ARHGEF37: variants seen among roughly 807,000 people sequenced by gnomAD.
ARHGEF37 encodes Rho guanine nucleotide exchange factor 37.
ARHGEF37 carries 55 observed loss-of-function variants against 71.1 expected under a neutral mutation model. The observed-to-expected ratio is 0.77, with a 90% CI of 0.62 to 0.97. The LOEUF (loss-of-function observed/expected upper bound fraction) is 0.97, where lower values mean the gene tolerates loss of function less well. Ranked by LOEUF, ARHGEF37 falls within the 50% of genes least tolerant of loss-of-function variation. ARHGEF37 has a pLI of 0.00. For missense variants in ARHGEF37, 765 were observed against 836.8 expected (o/e 0.91, Z 1.06); for synonymous variants, 327 against 350.6 (o/e 0.93, Z 0.75).
intron 3 of ARHGEF37, among the ~76,000 whole-genome samples, chr5:149,605,322 A>C (rs1484256974): frequency 6.6e-6 from 1 of 152,228 alleles, no homozygotes; most frequent in East Asian, 1.9e-4. Flanking sequence ...TAAAGAAGCA[A>C]CTGGAATTAA....
At chr5:149,625,911 G>A (rs1401702467) in intron 10 of ARHGEF37, among the ~76,000 whole-genome samples, 6 of 152,170 alleles carry the variant, frequency 3.9e-5, no homozygotes, top group African/African-American at 9.7e-5. Context: ...CAGGGGTGAC[G>A]CTGTTCTCTG....
At chr5:149,593,311 A>T (rs1163791073) in intron 1 of ARHGEF37, among the ~76,000 whole-genome samples, 1 of 152,234 alleles carries the variant, frequency 6.6e-6, no homozygotes, top group African/African-American at 2.4e-5. Flanking sequence ...CTTCAGCTCC[A>T]AACTCCAATT....
Position 149,632,548 on chromosome 5 carries a change from C to T in ARHGEF37, c.*357C>T, listed in dbSNP as rs1752917503. The T allele has an allele frequency of 3.7e-6, 1 of 272,620 alleles. No homozygotes were observed. The highest frequency in any genetic ancestry group is 7.2e-6 in the Non-Finnish European group (1 of 139,406). The allele number at this position is 272,620 out of a possible 1,614,324, so 16.9% of individuals were successfully genotyped here. ...CGGGCCTGCCTGTGGGCGTGGGTCA[C>T]ACGGGATAATGTTACCTGCGTGCTG... On this transcript the variant is annotated 3_prime_UTR_variant, in exon 13 of 13. Transcript: ENST00000333677.
At chr5:149,575,548 G>C (rs1360116640) in intron 1 of ARHGEF37, among the ~76,000 whole-genome samples, 1 of 152,180 alleles carries the variant, frequency 6.6e-6, no homozygotes, top group Admixed American at 6.5e-5. Context: ...GGAAGGGTCT[G>C]CTAGAGAGCT....
chr5:149,596,429 C>T (rs1376211777), intron 1 of ARHGEF37, among the ~76,000 whole-genome samples: 1 of 152,100 alleles, frequency 6.6e-6, no homozygotes, highest in Non-Finnish European at 1.5e-5. Flanking sequence ...CTCAGCCTCC[C>T]GAGTAGCTGG....
intron 1 of ARHGEF37, among the ~76,000 whole-genome samples, chr5:149,553,131 G>A (rs1310368731): frequency 6.6e-6 from 1 of 152,148 alleles, no homozygotes; most frequent in Admixed American, 6.5e-5. Flanking sequence ...GGCATGGTGG[G>A]CTCACACCTG....
chr5:149,562,108 C>T (rs939263238), intron 1 of ARHGEF37, among the ~76,000 whole-genome samples: 1 of 152,188 alleles, frequency 6.6e-6, no homozygotes, highest in South Asian at 2.1e-4. Context: ...TGATACTTAT[C>T]ACAGAAAATG....
upstream of ARHGEF37, among the ~76,000 whole-genome samples, chr5:149,578,877 C>T (rs1484664469): frequency 6.6e-6 from 1 of 152,072 alleles, no homozygotes; most frequent in Non-Finnish European, 1.5e-5. Flanking sequence ...GATTGCCGCT[C>T]TTCAAAATCT....
chr5:149,594,587 T>C (rs1001769270), intron 1 of ARHGEF37, among the ~76,000 whole-genome samples: 2 of 152,212 alleles, frequency 1.3e-5, no homozygotes, highest in Non-Finnish European at 2.9e-5. Flanking sequence ...GAACCATTTA[T>C]GTAGCAAATA....
intron 1 of ARHGEF37, among the ~76,000 whole-genome samples, chr5:149,555,156 GA>G (rs1298791860): frequency 6.8e-6 from 1 of 147,116 alleles, no homozygotes; most frequent in African/African-American, 2.5e-5. Flanking sequence ...AAGAAAGAAA[GA>G]AAGGAGTCTT....
intron 12 of ARHGEF37, 56 bp from the exon 13 acceptor site, chr5:149,631,926 C>T: frequency 6.4e-7 from 1 of 1,568,818 alleles, no homozygotes; most frequent in East Asian, 2.3e-5. Flanking sequence ...TCTCTGGATC[C>T]AGTCTGTCTA....
At chr5:149,574,006 A>G (rs1762999666) in intron 1 of ARHGEF37, among the ~76,000 whole-genome samples, 1 of 152,204 alleles carries the variant, frequency 6.6e-6, no homozygotes, top group African/African-American at 2.4e-5. Context: ...CCTTATGCGA[A>G]TATCTTTATA....
At chr5:149,564,751 G>A (rs1762879605) in intron 1 of ARHGEF37, among the ~76,000 whole-genome samples, 1 of 152,124 alleles carries the variant, frequency 6.6e-6, no homozygotes, top group African/African-American at 2.4e-5. Context: ...CTGAACCCAG[G>A]AGGCGGAGGT....
intron 6 of ARHGEF37, 25 bp from the exon 7 acceptor site, chr5:149,618,913 C>T (rs768482044): frequency 6.3e-7 from 1 of 1,583,676 alleles, no homozygotes; most frequent in South Asian, 1.1e-5. Context: ...TGGATATTCT[C>T]AACCCTCACA....
intron 8 of ARHGEF37, among the ~76,000 whole-genome samples, chr5:149,621,077 C>T (rs1323909920): frequency 6.6e-6 from 1 of 152,162 alleles, no homozygotes; most frequent in African/African-American, 2.4e-5. Flanking sequence ...GATTGAGGCT[C>T]AGAGGGGGTC....
rs570336790 is a variant in ARHGEF37 at position 149,609,463 on chromosome 5, G to A, written c.311-85G>A. ...CCAGCAATCTCACTGGAGAGCTGGA[G>A]GGGTTTACTTACTGCCTCCCTGTTC... On this transcript the variant is annotated intron_variant, in intron 3 of 12. Transcript: ENST00000333677. 11 of 1,446,088 alleles carry A rather than the reference G, an allele frequency of 7.6e-6. No homozygotes were observed. In the Admixed American group the frequency reaches 1.7e-4, roughly 22 times the overall value. 89.6% of individuals were successfully genotyped at this position (1,446,088 alleles called of 1,614,324 possible). A position where few individuals can be genotyped will look rare whatever the true frequency, so the allele number is the denominator to read the frequency against.
At position 149,633,572 on chromosome 5, in the gene ARHGEF37, T is replaced by C. The variant is rs1352097301; in HGVS notation, c.*1381T>C. 1 of 152,266 alleles carries C rather than the reference T, an allele frequency of 6.6e-6. No individual in the cohort carries two copies. The highest frequency in any genetic ancestry group is 1.5e-5 in the Non-Finnish European group (1 of 68,070). The allele number at this position is 152,266 out of a possible 1,614,324, so 9.4% of individuals were successfully genotyped here. On this transcript the variant is annotated 3_prime_UTR_variant, in exon 13 of 13. Coordinates refer to ENST00000333677, the MANE Select transcript of ARHGEF37 (RefSeq NM_001001669.3). Reference sequence around the variant, plus strand: ...CTGCTTGGGGTGGTCATGTCTAGGCTGTTGCTCTGGGCAAAGATAAGTTGC... The same window carrying C: ...CTGCTTGGGGTGGTCATGTCTAGGCCGTTGCTCTGGGCAAAGATAAGTTGC...
chr5:149,574,534 T>C (rs927873903), intron 1 of ARHGEF37, among the ~76,000 whole-genome samples: 1 of 152,236 alleles, frequency 6.6e-6, no homozygotes, highest in Non-Finnish European at 1.5e-5. Context: ...TTAGCCCTCT[T>C]CTTTTCGTGC....
At chr5:149,598,785 GATATAGATATATAGATAT>G (rs1763664655) in intron 2 of ARHGEF37, among the ~76,000 whole-genome samples, 2 of 143,158 alleles carry the variant, frequency 1.4e-5, no homozygotes, top group Non-Finnish European at 3.0e-5. Context: ...TAGATATATA[GATATAGATATATAGATAT>G]ATATATGTGT....
Sources: allele counts gnomAD v4.1 joint callset (sites outside exome capture counted in the v4.1 genomes callset), GRCh38; gene constraint gnomAD v4.1.1; transcripts MANE v1.5; gene names NCBI Gene and HGNC (gene_info 2026-07-23, HGNC 2026-07-21).